DNAH6: variants seen among roughly 807,000 people sequenced by gnomAD.
DNAH6 encodes dynein axonemal heavy chain 6.
DNAH6 carries 340 observed loss-of-function variants against 491.4 expected under a neutral mutation model. The ratio of observed to expected loss-of-function variants is 0.69; its 90% CI spans 0.63 to 0.76. DNAH6 has a LOEUF of 0.76. Among genes scored for constraint, DNAH6 ranks in the 30% least tolerant of loss-of-function variants. The pLI is 0.00. For missense variants in DNAH6, 4,443 were observed against 4,972.2 expected, an observed-to-expected ratio of 0.89 and a Z score of 3.20; for synonymous variants, 1,603 against 1,686.1, an observed-to-expected ratio of 0.95 and a Z score of 1.21.
At chr2:84,799,578 C>T (rs775275756) in intron 70 of DNAH6, among the ~76,000 whole-genome samples, 1 of 152,236 alleles carries the variant, frequency 6.6e-6, no homozygotes, top group Non-Finnish European at 1.5e-5. Context: ...GAGTCTCCAC[C>T]TTTGAACAAC....
chr2:84,774,980 A>G (rs1426692648), intron 64 of DNAH6, among the ~76,000 whole-genome samples: 2 of 152,050 alleles, frequency 1.3e-5, no homozygotes, highest in Non-Finnish European at 2.9e-5. Context: ...TTCTTTTCCT[A>G]TTTGGATGTC....
At chr2:84,716,181 CCTTT>C (rs1411799000) in intron 58 of DNAH6, among the ~76,000 whole-genome samples, 2 of 148,258 alleles carry the variant, frequency 1.3e-5, no homozygotes, top group African/African-American at 5.0e-5. Flanking sequence ...ATATGTATGC[CCTTT>C]CTTAGTATAT....
At chr2:84,629,494 G>A (rs1380806040) in intron 29 of DNAH6, among the ~76,000 whole-genome samples, 1 of 152,208 alleles carries the variant, frequency 6.6e-6, no homozygotes, top group Admixed American at 6.5e-5. Flanking sequence ...TAATGAGGTT[G>A]AATGTCTTTT....
In DNAH6 at chr2:84,705,616, T is replaced by G. The variant is rs1696352716; in HGVS notation, c.8596T>G (p.Phe2866Val). 1 of 1,551,496 alleles carries G rather than the reference T, an allele frequency of 6.4e-7. No individual in the cohort carries two copies. ...KLQKYINNPDFVPEKVEKVSK... is the reference protein window; with the variant it reads ...KLQKYINNPDVVPEKVEKVSK... ...TCAAAAGTATATTAATAATCCTGAT[T>G]TTGTGCCTGAAAAAGTGGAGAAAGT... Residue 2866 changes from phenylalanine (F) to valine (V), a missense_variant, in exon 52 of 77, where the codon TTT (phenylalanine) becomes GTT (valine). Coordinates refer to ENST00000389394, the MANE Select transcript of DNAH6 (RefSeq NM_001370.2).
At position 84,579,245 on chromosome 2, in the gene DNAH6, G is replaced by A. The variant is rs372460218; in HGVS notation, c.2077-282G>A. ...AGTGGGACTGATGCTGGACAGGGCAGCACAATGTCCACTACATAGGACAAA... is the reference window on the plus strand; with the variant it reads ...AGTGGGACTGATGCTGGACAGGGCAACACAATGTCCACTACATAGGACAAA... On this transcript the variant is annotated intron_variant, in intron 13 of 76. Transcript: ENST00000389394. 3.3e-4 allele frequency among the ~76,000 whole-genome samples: 51 copies of A among 152,304 alleles called. 1 individual carries two copies. The highest frequency in any genetic ancestry group is 1.2e-3 in the African/African-American group (50 of 41,572).
At chr2:84,516,470 A>C (rs1052490111), upstream of DNAH6, 1 of 152,194 alleles carries the variant, frequency 6.6e-6, no homozygotes, top group African/African-American at 2.4e-5. Context: ...CGTAGAGGCC[A>C]GCTGGTTGCT....
At chr2:84,573,704 CTGACA>C in intron 12 of DNAH6, 117 bp downstream of exon 12, 1 of 824,268 alleles carries the variant, frequency 1.2e-6, no homozygotes, top group Non-Finnish European at 1.8e-6. Context: ...AAGAGTTGGC[CTGACA>C]TAAGGCAAGA....
intron 64 of DNAH6, among the ~76,000 whole-genome samples, chr2:84,776,276 C>A (rs1676112634): frequency 6.6e-6 from 1 of 152,188 alleles, no homozygotes. Flanking sequence ...CAAGGGGCAA[C>A]TGCAGCATGT....
intron 68 of DNAH6, among the ~76,000 whole-genome samples, chr2:84,794,456 A>G (rs1168456283): frequency 6.6e-6 from 1 of 151,268 alleles, no homozygotes; most frequent in East Asian, 1.9e-4. Context: ...TCCAGAATCT[A>G]CAATGAACTC....
chr2:84,642,314 T>G (rs1178351818), intron 33 of DNAH6, among the ~76,000 whole-genome samples: 2 of 152,220 alleles, frequency 1.3e-5, no homozygotes, highest in Non-Finnish European at 2.9e-5. Context: ...CATAAGTTCC[T>G]GACCTAAGAG....
intron 64 of DNAH6, chr2:84,777,765 C>T: frequency 1.1e-6 from 1 of 919,734 alleles, no homozygotes; most frequent in East Asian, 2.4e-5. Flanking sequence ...AGATTGCAAC[C>T]ACTTCCAATA....
intron 61 of DNAH6, among the ~76,000 whole-genome samples, chr2:84,728,104 G>A (rs928903709): frequency 6.6e-6 from 1 of 152,188 alleles, no homozygotes; most frequent in Non-Finnish European, 1.5e-5. Context: ...TTTATAAGGG[G>A]AAACCCTTTT....
chr2:84,517,816 C>G lies in DNAH6; in HGVS notation c.-8-3C>G. The stretch of plus-strand genomic sequence containing the variant: ...TTTCTTTTTCCTCACCTATTCTTTT[C>G]AGGAGTAAGGATGACTTTTCGGGCC... On this transcript the variant is annotated splice_region_variant and splice_polypyrimidine_tract_variant and intron_variant, in intron 1 of 76. Coordinates refer to ENST00000389394, the MANE Select transcript of DNAH6 (RefSeq NM_001370.2). 6.5e-7 allele frequency: 1 copy of G among 1,545,644 alleles called. No homozygotes were observed. The highest frequency in any genetic ancestry group is 8.7e-7 in the Non-Finnish European group (1 of 1,144,140).
At chr2:84,709,624 G>A (rs2104867084) in intron 55 of DNAH6, 78 bp downstream of exon 55, 1 of 1,453,614 alleles carries the variant, frequency 6.9e-7, no homozygotes, top group Admixed American at 2.0e-5. Flanking sequence ...ATAAAAGTGG[G>A]CCTCAATGTA....
the DNAH6 span, among the ~76,000 whole-genome samples, chr2:84,491,082 A>G: frequency 6.6e-6 from 1 of 152,230 alleles, no homozygotes; most frequent in Non-Finnish European, 1.5e-5. Flanking sequence ...AACATCTGCA[A>G]TACAGGTTTT....
At chr2:84,711,727 C>A (rs1390884098) in intron 56 of DNAH6, among the ~76,000 whole-genome samples, 1 of 152,172 alleles carries the variant, frequency 6.6e-6, no homozygotes, top group African/African-American at 2.4e-5. Context: ...TACACTATTC[C>A]CCACTCAAGC....
intron 2 of DNAH6, 68 bp downstream of exon 2, chr2:84,518,119 T>C: frequency 8.2e-7 from 1 of 1,220,504 alleles, no homozygotes; most frequent in Non-Finnish European, 1.1e-6. Context: ...CTTTGGAGGA[T>C]AGAAGTCATG....
intron 29 of DNAH6, among the ~76,000 whole-genome samples, chr2:84,631,273 C>T (rs755659369): frequency 3.0e-4 from 45 of 152,132 alleles, no homozygotes; most frequent in Admixed American, 2.0e-3. Flanking sequence ...ATCTAATATC[C>T]CCCTCTCCAG....
intron 64 of DNAH6, among the ~76,000 whole-genome samples, chr2:84,770,974 A>G (rs573855372): frequency 1.8e-4 from 27 of 150,564 alleles, no homozygotes; most frequent in African/African-American, 6.4e-4. Flanking sequence ...TATGTGGCAG[A>G]GCAAGATCCT....
Sources: gnomAD v4.1 joint callset for allele counts (sites outside exome capture counted in the v4.1 genomes callset) on GRCh38, gnomAD v4.1.1 for gene constraint, MANE v1.5 for transcripts, NCBI Gene and HGNC (gene_info 2026-07-23, HGNC 2026-07-21) for gene names.